Variants in SNX24 observed in about 807,000 individuals in gnomAD.
The protein encoded by SNX24 is sorting nexin 24.
SNX24 carries 22 observed loss-of-function variants against 28.7 expected under a neutral mutation model. The ratio of observed to expected loss-of-function variants is 0.77; its 90% CI spans 0.55 to 1.10. The LOEUF is 1.10. Among genes scored for constraint, SNX24 ranks in the 50% least tolerant of loss-of-function variants. The pLI is 0.00. For synonymous variants in SNX24, 69 were observed against 71.5 expected (o/e 0.96, Z 0.18); for missense variants, 221 against 201.1 (o/e 1.10, Z -0.60).
intron 3 of SNX24, among the ~76,000 whole-genome samples, chr5:122,966,703 G>C (rs1381165135): frequency 2.0e-5 from 3 of 152,190 alleles, no homozygotes; most frequent in Non-Finnish European, 1.5e-5. Flanking sequence ...AACTAGGGTA[G>C]TTACTTAACC....
At chr5:122,932,236 T>C (rs915657763) in intron 1 of SNX24, among the ~76,000 whole-genome samples, 2 of 152,248 alleles carry the variant, frequency 1.3e-5, no homozygotes, top group Non-Finnish European at 2.9e-5. Flanking sequence ...CAAACCTGAA[T>C]GGAATCCTTA....
intron 6 of SNX24, 61 bp downstream of exon 6, chr5:123,002,065 C>A: frequency 7.5e-7 from 1 of 1,335,344 alleles, no homozygotes. Flanking sequence ...CCACATAAAC[C>A]ACGTTTTTAA....
chr5:122,919,487 A>G (rs1306974280), intron 1 of SNX24, among the ~76,000 whole-genome samples: 1 of 152,208 alleles, frequency 6.6e-6, no homozygotes, highest in Non-Finnish European at 1.5e-5. Flanking sequence ...AGTCAAAAAG[A>G]AACGTGTGCA....
chr5:122,857,168 C>T (rs984083285), intron 1 of SNX24, among the ~76,000 whole-genome samples: 6 of 151,830 alleles, frequency 4.0e-5, no homozygotes, highest in Non-Finnish European at 5.9e-5. Context: ...CACACCACCA[C>T]GCCCGGCTAA....
chr5:122,951,095 A>G (rs934732754), intron 3 of SNX24, among the ~76,000 whole-genome samples: 7 of 151,810 alleles, frequency 4.6e-5, no homozygotes, highest in Non-Finnish European at 1.0e-4. Flanking sequence ...GTGAAACCCC[A>G]TCTCTACTAA....
chr5:123,025,983 G>T, intron 5 of SNX24: 1 of 1,574,908 alleles, frequency 6.3e-7, no homozygotes, highest in Non-Finnish European at 8.6e-7. Flanking sequence ...GACAAAACAA[G>T]GAAGAAAGTC....
chr5:123,022,677 C>A (rs751946407), intron 5 of SNX24: 1 of 152,210 alleles, frequency 6.6e-6, no homozygotes, highest in Non-Finnish European at 1.5e-5. Flanking sequence ...AGTATAGATA[C>A]CCCATCAGTA....
At chr5:123,024,141 T>A in intron 5 of SNX24, 1 of 350,260 alleles carries the variant, frequency 2.9e-6, no homozygotes, top group Non-Finnish European at 4.3e-6. Flanking sequence ...TTATGACTAC[T>A]AAGCGTTTTT....
intron 1 of SNX24, chr5:122,891,073 A>T: frequency 6.5e-7 from 1 of 1,535,382 alleles, no homozygotes; most frequent in Non-Finnish European, 8.8e-7. Flanking sequence ...ATGGAATCAT[A>T]TGAAGTTATT....
intron 1 of SNX24, among the ~76,000 whole-genome samples, chr5:122,846,615 C>G (rs1298340312): frequency 6.6e-6 from 1 of 152,222 alleles, no homozygotes; most frequent in East Asian, 1.9e-4. Flanking sequence ...CTCCCCTCCT[C>G]TAAATATTAC....
At chr5:122,918,421 TTTACATGTACAGCTC>T (rs1174715009) in intron 1 of SNX24, among the ~76,000 whole-genome samples, 1 of 152,238 alleles carries the variant, frequency 6.6e-6, no homozygotes. Context: ...GCGTCCCCCA[TTTACATGTACAGCTC>T]TTCCTTAGGA....
chr5:122,907,971 A>G (rs1364997131), intron 1 of SNX24, among the ~76,000 whole-genome samples: 2 of 151,706 alleles, frequency 1.3e-5, no homozygotes, highest in Non-Finnish European at 2.9e-5. Flanking sequence ...CTTCTGGTAT[A>G]TTTGTCAGGA....
At chr5:122,856,609 AG>A (rs2150036740) in intron 1 of SNX24, among the ~76,000 whole-genome samples, 1 of 145,492 alleles carries the variant, frequency 6.9e-6, no homozygotes, top group South Asian at 2.2e-4. Flanking sequence ...TCTGCCTCCC[AG>A]GTTCAAACAA....
intron 1 of SNX24, chr5:122,891,251 A>G (rs1756955122): frequency 3.2e-6 from 3 of 943,618 alleles, no homozygotes; most frequent in East Asian, 3.0e-5. Context: ...TTATTCTAAT[A>G]TCAATGTATT....
At chr5:122,967,483 C>G (rs1439715761) in intron 3 of SNX24, among the ~76,000 whole-genome samples, 1 of 152,190 alleles carries the variant, frequency 6.6e-6, no homozygotes, top group African/African-American at 2.4e-5. Flanking sequence ...TGCCCTCTCA[C>G]TAGCGTGTCT....
chr5:122,893,160 T>TAA (rs113612912), intron 1 of SNX24, among the ~76,000 whole-genome samples: 2 of 144,904 alleles, frequency 1.4e-5, no homozygotes, highest in African/African-American at 2.5e-5. Flanking sequence ...ACCCATGGCT[T>TAA]AAAAAAAAAA....
chr5:122,862,830 C>G (rs1264380454), intron 1 of SNX24, among the ~76,000 whole-genome samples: 1 of 151,696 alleles, frequency 6.6e-6, no homozygotes, highest in Non-Finnish European at 1.5e-5. Context: ...GTCAATTTGG[C>G]AGTATATATT....
intron 1 of SNX24, among the ~76,000 whole-genome samples, chr5:122,922,473 G>A (rs1456335336): frequency 2.0e-5 from 3 of 151,786 alleles, no homozygotes; most frequent in Admixed American, 1.3e-4. Context: ...CGCTGGTCTC[G>A]AACTCCTGAC....
At chr5:122,933,707 C>T (rs948872223) in intron 1 of SNX24, among the ~76,000 whole-genome samples, 3 of 152,140 alleles carry the variant, frequency 2.0e-5, no homozygotes, top group African/African-American at 7.2e-5. Context: ...TTGGTTTTCA[C>T]CTTAAAGTGT....
Sources: allele counts gnomAD v4.1 joint callset (sites outside exome capture counted in the v4.1 genomes callset), GRCh38; gene constraint gnomAD v4.1.1; transcripts MANE v1.5; gene names NCBI Gene and HGNC (gene_info 2026-07-23, HGNC 2026-07-21).